SLC16A1: variants seen among roughly 807,000 people sequenced by gnomAD.
SLC16A1 encodes solute carrier family 16 member 1.
In SLC16A1, 11 loss-of-function variants were observed where a neutral mutation model predicts 32.2. The observed-to-expected ratio is 0.34, with a 90% CI of 0.21 to 0.56. SLC16A1 has a LOEUF of 0.56. Among genes scored for constraint, SLC16A1 ranks in the 20% least tolerant of loss-of-function variants. The pLI, the probability that SLC16A1 is intolerant of heterozygous loss-of-function variation, is 0.87. For missense variants in SLC16A1, 435 were observed against 615.0 expected, an observed-to-expected ratio of 0.71 and a Z score of 3.10; for synonymous variants, 231 against 226.8, an observed-to-expected ratio of 1.02 and a Z score of -0.17.
intron 3 of SLC16A1, among the ~76,000 whole-genome samples, chr1:112,921,223 TA>T (rs1302789438): frequency 6.6e-6 from 1 of 152,202 alleles, no homozygotes; most frequent in Non-Finnish European, 1.5e-5. Context: ...ATTATTTTTT[TA>T]AAAAAGGCAA....
intron 1 of SLC16A1, among the ~76,000 whole-genome samples, chr1:112,949,826 A>T (rs1649828489): frequency 6.6e-6 from 1 of 152,184 alleles, no homozygotes; most frequent in Non-Finnish European, 1.5e-5. Context: ...GACGTGAGCC[A>T]CGTGCCCAGA....
chr1:112,919,156 G>A (rs1032707112), intron 3 of SLC16A1, among the ~76,000 whole-genome samples: 10 of 151,740 alleles, frequency 6.6e-5, no homozygotes, highest in Non-Finnish European at 1.2e-4. Context: ...TCAGCCTCCC[G>A]AGTAGCTGGG....
chr1:112,920,233 G>A (rs906171806), intron 3 of SLC16A1, among the ~76,000 whole-genome samples: 9 of 152,218 alleles, frequency 5.9e-5, no homozygotes, highest in African/African-American at 1.9e-4. Context: ...AGCATGTTGG[G>A]AGGCCGAGGC....
chr1:112,951,521 TGAG>T lies in SLC16A1; in HGVS notation c.-45+4511_-45+4513del, dbSNP rs1200867440. Among the ~76,000 whole-genome samples the T allele has an allele frequency of 4.6e-5, 7 of 152,308 alleles. No individual in the cohort carries two copies. The South Asian group carries it at 8.3e-4, about 18-fold the overall frequency. ...AATAAGAGTGTTCAACCCCTGTCCT[TGAG>T]GAACTTACAATCTGGAATCCTTTTA... On this transcript the variant is annotated intron_variant, in intron 1 of 4. Transcript: ENST00000369626.
At chr1:112,936,234 G>A (rs1649299252) in intron 1 of SLC16A1, among the ~76,000 whole-genome samples, 1 of 151,994 alleles carries the variant, frequency 6.6e-6, no homozygotes, top group Middle Eastern at 3.2e-3. Flanking sequence ...GCAGCCGGGG[G>A]CAGTGGCTCA....
intron 1 of SLC16A1, among the ~76,000 whole-genome samples, chr1:112,930,331 A>G (rs1432268858): frequency 1.3e-5 from 2 of 150,002 alleles, no homozygotes; most frequent in Admixed American, 6.6e-5. Context: ...ATGTGGGGGA[A>G]AAAAACCCCC....
At chr1:112,951,362 C>G (rs1481280727) in intron 1 of SLC16A1, among the ~76,000 whole-genome samples, 1 of 151,848 alleles carries the variant, frequency 6.6e-6, no homozygotes, top group Non-Finnish European at 1.5e-5. Flanking sequence ...TGGCTACCTT[C>G]AAGAATGGTA....
intron 2 of SLC16A1, among the ~76,000 whole-genome samples, chr1:112,925,387 TTTTTAAATTTGAGACAAGG>T (rs1378032331): frequency 2.0e-5 from 3 of 151,848 alleles, no homozygotes; most frequent in Non-Finnish European, 2.9e-5. Flanking sequence ...CTTTCTTTTT[TTTTTAAATTTGAGACAAGG>T]TGTTGTTCTG....
intron 1 of SLC16A1, among the ~76,000 whole-genome samples, chr1:112,937,461 G>C (rs1649345150): frequency 6.6e-6 from 1 of 151,880 alleles, no homozygotes; most frequent in Admixed American, 6.6e-5. Context: ...ACCACACACA[G>C]ATTCAACACA....
chr1:112,918,878 G>A (rs1212353960), intron 3 of SLC16A1, among the ~76,000 whole-genome samples: 1 of 151,988 alleles, frequency 6.6e-6, no homozygotes, highest in Admixed American at 6.6e-5. Flanking sequence ...CTTAAAAACA[G>A]GCCAATTCCT....
chr1:112,914,183 CACAA>C lies in SLC16A1; in HGVS notation c.1229-22_1229-19del, dbSNP rs1196109891. The C allele has an allele frequency of 9.9e-6, 16 of 1,614,014 alleles. No individual in the cohort carries two copies. Among genetic ancestry groups the C allele is most frequent in the Non-Finnish European group, 1.3e-5 (15 of 1,179,930 alleles). On this transcript the variant is annotated intron_variant, in intron 4 of 4. Transcript: ENST00000369626. ...GAGCCGACCTAAATATGTAAAACAA[CACAA>C]ACAGTTGTTTCTAAGAGTAAACAGT...
At chr1:112,939,910 C>G (rs1649446765) in intron 1 of SLC16A1, among the ~76,000 whole-genome samples, 1 of 151,900 alleles carries the variant, frequency 6.6e-6, no homozygotes. Context: ...TCCCCTGGCA[C>G]AAAAAGACAA....
intron 2 of SLC16A1, among the ~76,000 whole-genome samples, chr1:112,927,437 A>G (rs1648981840): frequency 6.6e-6 from 1 of 152,222 alleles, no homozygotes; most frequent in African/African-American, 2.4e-5. Flanking sequence ...CTCAAGACGT[A>G]TTAGTGTTCA....
intron 1 of SLC16A1, among the ~76,000 whole-genome samples, chr1:112,933,596 C>G (rs1488323596): frequency 6.7e-6 from 1 of 149,824 alleles, no homozygotes; most frequent in African/African-American, 2.5e-5. Context: ...AAAAAAAAAG[C>G]AAAAGATCTA....
At chr1:112,934,649 T>G (rs571537404) in intron 1 of SLC16A1, among the ~76,000 whole-genome samples, 1 of 152,220 alleles carries the variant, frequency 6.6e-6, no homozygotes, top group Non-Finnish European at 1.5e-5. Context: ...GGCAAACTTC[T>G]TTGTCTTAGT....
intron 1 of SLC16A1, among the ~76,000 whole-genome samples, chr1:112,949,044 G>A (rs1649800292): frequency 6.6e-6 from 1 of 151,856 alleles, no homozygotes; most frequent in Non-Finnish European, 1.5e-5. Flanking sequence ...TAGTAGTAGA[G>A]ACAGGGTTTC....
chr1:112,927,124 A>G (rs1462378135), intron 2 of SLC16A1, among the ~76,000 whole-genome samples: 1 of 150,174 alleles, frequency 6.7e-6, no homozygotes, highest in East Asian at 1.9e-4. Context: ...TGTGTCAAAA[A>G]AAAAAAAAAA....
intron 1 of SLC16A1, among the ~76,000 whole-genome samples, chr1:112,945,720 C>T (rs1345123760): frequency 1.4e-5 from 2 of 142,582 alleles, no homozygotes; most frequent in Admixed American, 7.0e-5. Context: ...TGTCCAGGTG[C>T]GGTGGCTCAC....
At chr1:112,934,314 T>C (rs1262978600) in intron 1 of SLC16A1, among the ~76,000 whole-genome samples, 2 of 152,028 alleles carry the variant, frequency 1.3e-5, no homozygotes, top group Non-Finnish European at 2.9e-5. Context: ...TTCCAAAATC[T>C]GAAAAAATCT....
Sources: gnomAD v4.1 joint callset for allele counts (sites outside exome capture counted in the v4.1 genomes callset) on GRCh38, gnomAD v4.1.1 for gene constraint, MANE v1.5 for transcripts, NCBI Gene and HGNC (gene_info 2026-07-23, HGNC 2026-07-21) for gene names.